Variants in MYBBP1A observed in about 807,000 individuals in gnomAD.
The protein encoded by MYBBP1A is myb-binding protein 1A.
MYBBP1A carries 147 observed loss-of-function variants against 136.3 expected under a neutral mutation model. That is an observed-to-expected ratio of 1.08 (90% CI 0.94 to 1.24). The LOEUF (loss-of-function observed/expected upper bound fraction) is 1.24, where lower values mean the gene tolerates loss of function less well. Among genes scored for constraint, MYBBP1A ranks in the 50% most tolerant of loss-of-function variants. The probability of loss-of-function intolerance (pLI) is 0.00; values close to 1 mark genes in which losing one functional copy is unlikely to be tolerated. For missense variants in MYBBP1A, 2,060 were observed against 1,727.4 expected (o/e 1.19, Z -3.41); for synonymous variants, 947 against 735.8 (o/e 1.29, Z -4.65).
Position 4,551,932 on chromosome 17 carries a change from A to G in MYBBP1A, c.971T>C (p.Val324Ala), listed in dbSNP as rs1284668626. The G allele has an allele frequency of 1.2e-6, 2 of 1,613,106 alleles. No individual in the cohort carries two copies. Among genetic ancestry groups the G allele is most frequent in the Non-Finnish European group, 1.7e-6 (2 of 1,179,552 alleles). ...ATGGCGGATCACGTCTCCCTGCATC[A>G]CCAGGTGCAGCTGCTCCTTGGTCAG... ...PLLTKEQLHL[V>A]MQGDVIRHYG... is the part of the protein sequence containing the mutation. The change falls in exon 8 of 26, where the codon GTG (valine) becomes GCG (alanine). Residue 324 changes from valine (V) to alanine (A), a missense_variant. Coordinates refer to ENST00000254718, the MANE Select transcript of MYBBP1A (RefSeq NM_014520.4).
intron 9 of MYBBP1A, 95 bp downstream of exon 9, chr17:4,549,963 C>T (rs1907356489): frequency 7.2e-7 from 1 of 1,381,760 alleles, no homozygotes; most frequent in Non-Finnish European, 9.9e-7. Flanking sequence ...TGGTTTAGAG[C>T]CAGGACGCTG....
chr17:4,553,652 C>T (rs758777244), intron 5 of MYBBP1A, among the ~76,000 whole-genome samples, 158 bp downstream of exon 5: 8 of 152,168 alleles, frequency 5.3e-5, no homozygotes, highest in African/African-American at 1.4e-4. Context: ...TAAATGACAC[C>T]TGTTTCTTTT....
In MYBBP1A at chr17:4,552,183, G is replaced by A. The variant is rs746376319; in HGVS notation, c.847C>T (p.Arg283Trp). 91 of 1,614,130 alleles carry A rather than the reference G, an allele frequency of 5.6e-5. 1 individual carries two copies. The Admixed American group carries it at 6.2e-4, about 11-fold the overall frequency. ...TGTTCCACCACCTCCTTCCAGAACCGTGGGAACTTGTCTTCCTTGAGTGCC... is the reference window on the plus strand; with the variant it reads ...TGTTCCACCACCTCCTTCCAGAACCATGGGAACTTGTCTTCCTTGAGTGCC... ...RLALKEDKFP[R>W]FWKEVVEQGL... Residue 283 changes from arginine to tryptophan, a missense_variant, in exon 7 of 26, where the codon CGG becomes TGG. Arg to Trp is a moderately radical substitution (Grantham distance 101, BLOSUM62 -3). Transcript: ENST00000254718. This position sits in a 1 kb window ranked among gnomAD's most constrained non-coding sequence, Gnocchi z 4.7.
rs1410901148 is a variant in MYBBP1A at position 4,552,066 on chromosome 17, G to A, written c.905+59C>T. 6.3e-7 allele frequency: 1 copy of A among 1,598,680 alleles called. No individual in the cohort carries two copies. The highest frequency in any genetic ancestry group is 8.5e-7 in the Non-Finnish European group (1 of 1,171,320). On this transcript the variant is annotated intron_variant, in intron 7 of 25. Coordinates refer to ENST00000254718, the MANE Select transcript of MYBBP1A (RefSeq NM_014520.4). The surrounding 1 kb of genome is among the most constrained non-coding windows in gnomAD (Gnocchi z 4.7). ...CCCTGGTGGGAACCTCAGGACTAGT[G>A]GCCTAGCCCACTTCACGGACAGGGA...
rs1297190347 is a variant in MYBBP1A, at chr17:4,539,536, T to G, written c.3866A>C (p.Lys1289Thr). ...CCGTGCCAGCGCGGACAGTGGTGATTTGCCCAAGACCCCCTTTTTGGGAAG... is the reference window on the plus strand; with the variant it reads ...CCGTGCCAGCGCGGACAGTGGTGATGTGCCCAAGACCCCCTTTTTGGGAAG... Reference protein sequence around the residue: ...KALPKKGVLGKSPLSALARKK... With the variant: ...KALPKKGVLGTSPLSALARKK... Residue 1289 changes from lysine (K) to threonine (T), a missense_variant, in exon 26 of 26, where the codon AAA (lysine) becomes ACA (threonine). Lys to Thr is a moderately conservative substitution (Grantham distance 78). Coordinates refer to ENST00000254718, the MANE Select transcript of MYBBP1A (RefSeq NM_014520.4). 6.2e-6 allele frequency: 10 copies of G among 1,614,118 alleles called. No individual in the cohort carries two copies. The highest frequency in any genetic ancestry group is 2.2e-5 in the East Asian group (1 of 44,872).
At chr17:4,543,515 C>CTTAGAA (rs1906662488) in intron 19 of MYBBP1A, among the ~76,000 whole-genome samples, 1 of 152,168 alleles carries the variant, frequency 6.6e-6, no homozygotes, top group Admixed American at 6.5e-5. Flanking sequence ...GGTTCATGTG[C>CTTAGAA]TTAGAACCCT....
In MYBBP1A at chr17:4,539,869, G is replaced by A. The variant is rs146103163; in HGVS notation, c.3533C>T (p.Thr1178Met). 1.1e-4 allele frequency: 181 copies of A among 1,605,456 alleles called. No homozygotes were observed. The highest frequency in any genetic ancestry group is 1.1e-3 in the African/African-American group (80 of 75,020). The change falls in exon 26 of 26, where the codon ACG (threonine) becomes ATG (methionine). Residue 1178 changes from threonine (T) to methionine (M), a missense_variant. Physicochemically the swap from Thr to Met is moderately conservative, Grantham distance 81 (BLOSUM62 -1). Transcript: ENST00000254718. ...TGACTTGCGTTTCTTGCGCTTCTTC[G>A]TCTCTGGCAAGAATCCCTTTTTCTT... ...KRKKKGFLPE[T>M]KKRKKRKSED...
chr17:4,540,257 A>AGCAGCGTGTGT (rs531167967), intron 25 of MYBBP1A, 91 bp downstream of exon 25: 42 of 1,466,580 alleles, frequency 2.9e-5, no homozygotes, highest in Admixed American at 1.1e-4. Flanking sequence ...GTGCGTGTGC[A>AGCAGCGTGTGT]GCAGCGTGTG....
rs201709174 is a variant in MYBBP1A at position 4,552,111 on chromosome 17, C to T, written c.905+14G>A. The T allele has an allele frequency of 3.2e-5, 52 of 1,611,060 alleles. No individual in the cohort carries two copies. Among genetic ancestry groups the T allele is most frequent in the Non-Finnish European group, 3.8e-5 (45 of 1,178,244 alleles). ...CAGGGAAGGGGGCCGAGAGAGGACA[C>T]GCGTCGCCCGCACCTGGCTGGCCAG... On this transcript the variant is annotated intron_variant, in intron 7 of 25. Coordinates refer to ENST00000254718, the MANE Select transcript of MYBBP1A (RefSeq NM_014520.4). The surrounding 1 kb of genome is among the most constrained non-coding windows in gnomAD (Gnocchi z 4.7).
chr17:4,542,000 T>A, intron 22 of MYBBP1A, 109 bp from the exon 23 acceptor site: 1 of 764,042 alleles, frequency 1.3e-6, no homozygotes, highest in Non-Finnish European at 2.1e-6. Context: ...GGGCAGCGTG[T>A]GAGGCTGCCT....
chr17:4,552,617 C>G lies in MYBBP1A; in HGVS notation c.571G>C (p.Ala191Pro). The G allele has an allele frequency of 6.2e-7, 1 of 1,613,014 alleles. No homozygotes were observed. The highest frequency in any genetic ancestry group is 8.5e-7 in the Non-Finnish European group (1 of 1,179,490). The change falls in exon 6 of 26, where the codon GCC (alanine) becomes CCC (proline). Residue 191 changes from alanine to proline, a missense_variant. Coordinates refer to ENST00000254718, the MANE Select transcript of MYBBP1A (RefSeq NM_014520.4). The surrounding 1 kb of genome is among the most constrained non-coding windows in gnomAD (Gnocchi z 4.7). ...TCCGGCAGGATCTCCTGCAATGTGG[C>G]CTTCGAGACCTAAGGATGGAGGGAG... is the stretch of plus-strand genomic sequence containing the variant. ...LVDILSEVSK[A>P]TLQEILPEVL...
chr17:4,554,806 A>C lies in MYBBP1A; in HGVS notation c.294+55T>G, dbSNP rs573787000. The C allele has an allele frequency of 5.8e-6, 9 of 1,558,024 alleles. No homozygotes were observed. In the African/African-American group the frequency reaches 1.1e-4, roughly 19 times the overall value. ...CTGAGACACCACACCCGCCCTCCTCATACCCCACCATTTTGACCTGGATGG... is the reference window on the plus strand; with the variant it reads ...CTGAGACACCACACCCGCCCTCCTCCTACCCCACCATTTTGACCTGGATGG... On this transcript the variant is annotated intron_variant, in intron 2 of 25. Transcript: ENST00000254718.
intron 25 of MYBBP1A, 142 bp downstream of exon 25, chr17:4,540,206 G>A (rs1398731056): frequency 3.9e-6 from 5 of 1,282,100 alleles, no homozygotes; most frequent in Admixed American, 2.6e-5. Flanking sequence ...ATCTGAGAAT[G>A]CGCTTGAGTG....
In MYBBP1A at chr17:4,539,274, G is replaced by C; in HGVS notation, c.*141C>G. Reference sequence around the variant, plus strand: ...TGTGCTTGCCAGAGCAGGATGCCCGGGCAGGCGGCAACAGCCACCCTCCCC... The same window carrying C: ...TGTGCTTGCCAGAGCAGGATGCCCGCGCAGGCGGCAACAGCCACCCTCCCC... On this transcript the variant is annotated 3_prime_UTR_variant, in exon 26 of 26. Coordinates refer to ENST00000254718, the MANE Select transcript of MYBBP1A (RefSeq NM_014520.4). The C allele has an allele frequency of 6.7e-7, 1 of 1,491,672 alleles. No homozygotes were observed. Among genetic ancestry groups the C allele is most frequent in the South Asian group, 1.4e-5 (1 of 71,196 alleles). 92.4% of individuals were successfully genotyped at this position (1,491,672 alleles called of 1,614,324 possible).
chr17:4,541,242 G>A (rs1474071876), intron 24 of MYBBP1A, among the ~76,000 whole-genome samples: 1 of 152,276 alleles, frequency 6.6e-6, no homozygotes, highest in Non-Finnish European at 1.5e-5. Flanking sequence ...CCGCCCTGCA[G>A]GAGGAGGACA....
At position 4,552,240 on chromosome 17, in the gene MYBBP1A, G is replaced by A. The variant is rs1350796898; in HGVS notation, c.790C>T (p.Leu264=). 1.2e-6 allele frequency: 2 copies of A among 1,614,212 alleles called. No individual in the cohort carries two copies. Among genetic ancestry groups the A allele is most frequent in the Admixed American group, 3.3e-5 (2 of 60,030 alleles). ...AASSVKKDRK[L]PAIALDLLRL... is the part of the protein sequence containing the mutation. Reference sequence around the variant, plus strand: ...AGCAGGTCCAGAGCAATGGCGGGCAGCTTGCGGTCCTTCTTCACAGAGGAG... The same window carrying A: ...AGCAGGTCCAGAGCAATGGCGGGCAACTTGCGGTCCTTCTTCACAGAGGAG... The change falls in exon 7 of 26, where the codon CTG becomes TTG. Residue 264 remains leucine, a synonymous_variant. Coordinates refer to ENST00000254718, the MANE Select transcript of MYBBP1A (RefSeq NM_014520.4). This position sits in a 1 kb window ranked among gnomAD's most constrained non-coding sequence, Gnocchi z 4.7.
chr17:4,541,965 T>C, intron 22 of MYBBP1A, 74 bp from the exon 23 acceptor site: 1 of 1,212,988 alleles, frequency 8.2e-7, no homozygotes, highest in Non-Finnish European at 1.2e-6. Context: ...GCATGAGGGC[T>C]CGGGGGCCCG....
chr17:4,545,164 C>T lies in MYBBP1A; in HGVS notation c.2172G>A (p.Glu724=). The change falls in exon 17 of 26, where the codon GAG becomes GAA. Residue 724 remains glutamate (E), a synonymous_variant. Transcript: ENST00000254718. ...RRLKGAEDKS[E]EGEDNRSSES... is the part of the protein sequence containing the mutation. ...CTGAGCTTCTGTTGTCCTCACCTTC[C>T]TCGCTCTTGTCCTGTGTGGTAGAGG... The T allele has an allele frequency of 1.2e-6, 2 of 1,613,464 alleles. No homozygotes were observed. The highest frequency in any genetic ancestry group is 1.7e-6 in the Non-Finnish European group (2 of 1,179,970).
In MYBBP1A at chr17:4,553,842, G is replaced by A. The variant is rs375405637; in HGVS notation, c.529C>T (p.Pro177Ser). Residue 177 changes from proline to serine, a missense_variant, in exon 5 of 26, where the codon CCC (proline) becomes TCC (serine). By Grantham distance (74) the Pro-to-Ser change is moderately conservative (BLOSUM62 -1). Coordinates refer to ENST00000254718, the MANE Select transcript of MYBBP1A (RefSeq NM_014520.4). ...AGGATGTCCACCAGGGCCTTCCGGG[G>A]CTGCTCCTGCAAGTGGTTTTGGTAC... ...AQYQNHLQEQPRKALVDILSE... is the reference protein window; with the variant it reads ...AQYQNHLQEQSRKALVDILSE... 518 of 1,613,944 alleles carry A rather than the reference G, an allele frequency of 3.2e-4. No homozygotes were observed. Among genetic ancestry groups the A allele is most frequent in the Non-Finnish European group, 3.9e-4 (460 of 1,180,040 alleles).
Sources: gnomAD v4.1 joint callset for allele counts (sites outside exome capture counted in the v4.1 genomes callset) on GRCh38, gnomAD v4.1.1 for gene constraint, Gnocchi (gnomAD v3.1) non-coding constraint, MANE v1.5 for transcripts, NCBI Gene and HGNC (gene_info 2026-07-23, HGNC 2026-07-21) for gene names.